The following CFAP95 variants were observed in gnomAD, a reference collection of about 807,000 sequenced individuals.
CFAP95 encodes the protein cilia and flagella associated protein 95, also known as cilia- and flagella-associated protein 95.
the CFAP95 span, among the ~76,000 whole-genome samples, chr9:69,870,145 G>A: frequency 1.1e-3 from 165 of 152,088 alleles, no homozygotes; most frequent in African/African-American, 3.8e-3. Context: ...AAAACTATTA[G>A]GTCTGAGGAA....
At chr9:69,852,320 C>T in the CFAP95 span, among the ~76,000 whole-genome samples, 8 of 152,112 alleles carry the variant, frequency 5.3e-5, no homozygotes, top group South Asian at 1.7e-3. Context: ...GATGCCAACC[C>T]ACTCATGCAG....
chr9:69,850,025 C>T, the CFAP95 span, among the ~76,000 whole-genome samples: 61 of 152,288 alleles, frequency 4.0e-4, no homozygotes, highest in South Asian at 1.0e-3. Flanking sequence ...ATCCTCACAA[C>T]ACTACCAAAG....
the CFAP95 span, among the ~76,000 whole-genome samples, chr9:69,823,982 C>T: frequency 4.4e-4 from 67 of 152,142 alleles, no homozygotes; most frequent in Non-Finnish European, 8.5e-4. Flanking sequence ...TAGATGTGTA[C>T]GTGCAGGTCA....
chr9:69,892,131 CT>C, the CFAP95 span, among the ~76,000 whole-genome samples: 1 of 152,008 alleles, frequency 6.6e-6, no homozygotes, highest in African/African-American at 2.4e-5. Context: ...CTATTTTAAT[CT>C]TTTTTAGCAT....
chr9:69,879,500 T>A, the CFAP95 span, among the ~76,000 whole-genome samples: 1 of 152,060 alleles, frequency 6.6e-6, no homozygotes, highest in Non-Finnish European at 1.5e-5. Flanking sequence ...GCTATACGTA[T>A]TTATGAGGGA....
At chr9:69,888,399 AG>A in the CFAP95 span, among the ~76,000 whole-genome samples, 1 of 152,144 alleles carries the variant, frequency 6.6e-6, no homozygotes, top group Non-Finnish European at 1.5e-5. Context: ...TATTGGCAGG[AG>A]AAATGTTAAT....
At chr9:69,831,140 A>G in the CFAP95 span, among the ~76,000 whole-genome samples, 2 of 152,176 alleles carry the variant, frequency 1.3e-5, no homozygotes, top group Non-Finnish European at 2.9e-5. Context: ...TTTATTTGGT[A>G]AGCTACTAGA....
At chr9:69,894,873 T>C in the CFAP95 span, among the ~76,000 whole-genome samples, 1 of 152,022 alleles carries the variant, frequency 6.6e-6, no homozygotes, top group Non-Finnish European at 1.5e-5. Context: ...GCCAGCCTGG[T>C]CAACATGGTG....
chr9:69,882,831 G>C, the CFAP95 span, among the ~76,000 whole-genome samples: 1 of 152,022 alleles, frequency 6.6e-6, no homozygotes, highest in Non-Finnish European at 1.5e-5. Flanking sequence ...TTTTTAACGT[G>C]TTGTTGAATT....
the CFAP95 span, among the ~76,000 whole-genome samples, chr9:69,877,894 T>A: frequency 6.6e-6 from 1 of 152,228 alleles, no homozygotes; most frequent in African/African-American, 2.4e-5. Context: ...AGAATTTTCA[T>A]GAGCTTAGTT....
At chr9:69,877,528 A>G in the CFAP95 span, among the ~76,000 whole-genome samples, 1 of 152,236 alleles carries the variant, frequency 6.6e-6, no homozygotes, top group Non-Finnish European at 1.5e-5. Flanking sequence ...GTATTCTTAT[A>G]GGAAACAGAT....
chr9:69,820,985 C>T, the CFAP95 span: 5 of 1,613,860 alleles, frequency 3.1e-6, no homozygotes, highest in Non-Finnish European at 4.2e-6. Context: ...CCTGACCCTC[C>T]GCTCCCATCA....
the CFAP95 span, among the ~76,000 whole-genome samples, chr9:69,905,036 T>A: frequency 6.6e-6 from 1 of 152,184 alleles, no homozygotes; most frequent in Non-Finnish European, 1.5e-5. Context: ...GTAAAGTGGG[T>A]GTAATAATTC....
chr9:69,864,611 C>T, the CFAP95 span, among the ~76,000 whole-genome samples: 1 of 152,132 alleles, frequency 6.6e-6, no homozygotes, highest in African/African-American at 2.4e-5. Flanking sequence ...AAAAGTAGTT[C>T]AGGCAGTTAA....
chr9:69,838,717 C>A, the CFAP95 span, among the ~76,000 whole-genome samples: 4 of 148,926 alleles, frequency 2.7e-5, no homozygotes, highest in African/African-American at 7.4e-5. Flanking sequence ...AATTGAATAC[C>A]CTTTATTTCC....
chr9:69,866,425 G>A, the CFAP95 span, among the ~76,000 whole-genome samples: 1 of 152,252 alleles, frequency 6.6e-6, no homozygotes, highest in African/African-American at 2.4e-5. Context: ...AGAACTAGTG[G>A]GCCTGCTGGT....
chr9:69,843,214 C>T, the CFAP95 span, among the ~76,000 whole-genome samples: 1 of 152,050 alleles, frequency 6.6e-6, no homozygotes, highest in Non-Finnish European at 1.5e-5. Flanking sequence ...AATTTTAAAA[C>T]ATTTGTGGAA....
At chr9:69,849,924 T>C in the CFAP95 span, among the ~76,000 whole-genome samples, 3 of 152,356 alleles carry the variant, frequency 2.0e-5, no homozygotes, top group East Asian at 5.8e-4. Flanking sequence ...AGGTGCTACA[T>C]ATCTCTACCC....
At chr9:69,883,838 A>T in the CFAP95 span, among the ~76,000 whole-genome samples, 5 of 502 alleles carry the variant, frequency 1.0e-2, no homozygotes, top group Non-Finnish European at 0.14. Flanking sequence ...AAAACAATTA[A>T]AAAAAAATCA....
Sources: allele counts gnomAD v4.1 joint callset (sites outside exome capture counted in the v4.1 genomes callset), GRCh38; gene constraint gnomAD v4.1.1; transcripts MANE v1.5; gene names NCBI Gene and HGNC (gene_info 2026-07-23, HGNC 2026-07-21).